ABCC9: variants seen among roughly 807,000 people sequenced by gnomAD.
ABCC9 encodes the protein ATP-binding cassette sub-family C member 9.
ABCC9 carries 95 observed loss-of-function variants against 188.3 expected under a neutral mutation model. The ratio of observed to expected loss-of-function variants is 0.50; its 90% confidence interval spans 0.43 to 0.60. The LOEUF (loss-of-function observed/expected upper bound fraction) is 0.60, where lower values mean the gene tolerates loss of function less well. Ranked by LOEUF, ABCC9 falls within the 20% of genes least tolerant of loss-of-function variation. The probability of loss-of-function intolerance (pLI) is 0.00; values close to 1 mark genes in which losing one functional copy is unlikely to be tolerated. For missense variants in ABCC9, 1,102 were observed against 1,876.3 expected (o/e 0.59, Z 7.62); for synonymous variants, 659 against 652.7 (o/e 1.01, Z -0.15).
At chr12:21,849,295 G>C (rs560721746) in intron 24 of ABCC9, among the ~76,000 whole-genome samples, 2 of 152,174 alleles carry the variant, frequency 1.3e-5, no homozygotes, top group Non-Finnish European at 2.9e-5. Flanking sequence ...CAACATGTCT[G>C]ATTTAGGAAA....
intron 7 of ABCC9, among the ~76,000 whole-genome samples, chr12:21,915,432 A>G (rs1194184484): frequency 3.5e-5 from 4 of 115,668 alleles, no homozygotes; most frequent in African/African-American, 9.6e-5. Flanking sequence ...ATATGTGTGT[A>G]TATATGTGTA....
At position 21,829,079 on chromosome 12, in the gene ABCC9, C is replaced by T. The variant is rs17846778; in HGVS notation, c.3567-19G>A. 4.8e-5 allele frequency: 75 copies of T among 1,554,332 alleles called. No individual in the cohort carries two copies. In the East Asian group the frequency reaches 5.5e-4, roughly 11 times the overall value. The stretch of plus-strand genomic sequence containing the variant: ...TTCATGCCTGCAGAAAACAAAAACA[C>T]GATGTTAACCACACAACAGGAGAGG... On this transcript the variant is annotated intron_variant, in intron 30 of 39. Coordinates refer to ENST00000261200, the MANE Select transcript of ABCC9 (RefSeq NM_020297.4).
chr12:21,847,248 T>C (rs1176717729), intron 25 of ABCC9, among the ~76,000 whole-genome samples: 1 of 152,166 alleles, frequency 6.6e-6, no homozygotes, highest in Non-Finnish European at 1.5e-5. Flanking sequence ...ACTCCACTCT[T>C]ATAGCCCATT....
At chr12:21,862,383 C>T (rs1945562254) in intron 20 of ABCC9, among the ~76,000 whole-genome samples, 1 of 152,044 alleles carries the variant, frequency 6.6e-6, no homozygotes, top group East Asian at 1.9e-4. Flanking sequence ...TTTTCTCCTC[C>T]CTCCCCCTTC....
At chr12:21,835,648 C>T (rs2252701) in intron 30 of ABCC9, among the ~76,000 whole-genome samples, 152,282 of 152,284 alleles carry the variant, frequency 1, 76,140 homozygotes, top group Middle Eastern at 1. Flanking sequence ...CAGGATCTCT[C>T]TTATCTACTT....
chr12:21,861,117 G>C (rs1945482667), intron 20 of ABCC9, 62 bp from the exon 21 acceptor site: 18 of 1,313,854 alleles, frequency 1.4e-5, no homozygotes, highest in Middle Eastern at 1.8e-4. Flanking sequence ...TAAACTAAGT[G>C]CCAAATTCAA....
chr12:21,801,885 A>G (rs892809543), intron 39 of ABCC9, among the ~76,000 whole-genome samples: 3 of 152,216 alleles, frequency 2.0e-5, no homozygotes, highest in African/African-American at 4.8e-5. Flanking sequence ...TCCACTTTAT[A>G]GGGGAGACCA....
At chr12:21,825,608 A>G (rs1407710052) in intron 31 of ABCC9, among the ~76,000 whole-genome samples, 2 of 149,630 alleles carry the variant, frequency 1.3e-5, no homozygotes, top group East Asian at 4.1e-4. Context: ...ACACATGGAC[A>G]CAGGGAGGGG....
intron 18 of ABCC9, among the ~76,000 whole-genome samples, chr12:21,865,585 A>G (rs532732606): frequency 2.0e-4 from 30 of 152,314 alleles, no homozygotes; most frequent in African/African-American, 7.2e-4. Flanking sequence ...GACAGGGAAG[A>G]GAGAAGAGTG....
intron 4 of ABCC9, 127 bp downstream of exon 4, chr12:21,933,655 G>T: frequency 9.8e-7 from 1 of 1,017,290 alleles, no homozygotes. Flanking sequence ...TCCTGCAAGA[G>T]CTACATGGAT....
At chr12:21,888,222 T>C in intron 14 of ABCC9, among the ~76,000 whole-genome samples, 1 of 152,166 alleles carries the variant, frequency 6.6e-6, no homozygotes, top group African/African-American at 2.4e-5. Context: ...TGCATTTTTT[T>C]TGCAATTATA....
At chr12:21,919,752 T>A (rs956957728) in intron 5 of ABCC9, among the ~76,000 whole-genome samples, 1 of 152,008 alleles carries the variant, frequency 6.6e-6, no homozygotes, top group African/African-American at 2.4e-5. Flanking sequence ...GAGAAAACAC[T>A]TTCCAACTCA....
In ABCC9 at chr12:21,817,254, C is replaced by G; in HGVS notation, c.3825G>C (p.Gln1275His). The part of the protein sequence containing the change: ...VVRNLADLEV[Q>H]MGAVKKVNSF... ...TGTTCACCTTCTTCACTGCACCCATCTGGACCTCCAGGTCAGCCAAGTTCC... is the reference window on the plus strand; with the variant it reads ...TGTTCACCTTCTTCACTGCACCCATGTGGACCTCCAGGTCAGCCAAGTTCC... The change falls in exon 33 of 40, where the codon CAG becomes CAC. Residue 1275 changes from glutamine to histidine, a missense_variant. By Grantham distance (24) the Gln-to-His change is conservative. This residue lies in a region of ABCC9 where 143 missense variants were observed against 225.6 expected (regional missense o/e 0.63). Transcript: ENST00000261200. 1.2e-6 allele frequency: 2 copies of G among 1,613,876 alleles called. No individual in the cohort carries two copies. The highest frequency in any genetic ancestry group is 1.7e-6 in the Non-Finnish European group (2 of 1,179,818).
chr12:21,800,813 G>A lies in ABCC9; in HGVS notation c.*231C>T. 1.9e-6 allele frequency: 1 copy of A among 531,444 alleles called. No homozygotes were observed. Among genetic ancestry groups the A allele is most frequent in the Non-Finnish European group, 3.4e-6 (1 of 297,872 alleles). The allele number at this position is 531,444 out of a possible 1,614,324, so 32.9% of individuals were successfully genotyped here. On this transcript the variant is annotated 3_prime_UTR_variant, in exon 40 of 40. Transcript: ENST00000261200. ...AGCTTACATGTTTTAATACAACCTA[G>A]CTATTCTTAAAGCTAGAGTGGCTGG...
chr12:21,885,513 C>CTCTGCT (rs1439810245), intron 15 of ABCC9, among the ~76,000 whole-genome samples: 1 of 152,126 alleles, frequency 6.6e-6, no homozygotes, highest in African/African-American at 2.4e-5. Flanking sequence ...GGTCATCTCA[C>CTCTGCT]TCTGCTTATC....
At chr12:21,875,583 G>T in intron 17 of ABCC9, 71 bp downstream of exon 17, 3 of 1,129,554 alleles carry the variant, frequency 2.7e-6, no homozygotes, top group Non-Finnish European at 4.0e-6. Context: ...TTTTTGTTAG[G>T]CTCAATTATC....
At chr12:21,867,489 C>T (rs774077953) in intron 18 of ABCC9, among the ~76,000 whole-genome samples, 2 of 152,114 alleles carry the variant, frequency 1.3e-5, no homozygotes, top group Non-Finnish European at 2.9e-5. Flanking sequence ...AAAGTCGACA[C>T]AGTGTATTAG....
chr12:21,847,617 A>T (rs749032496), intron 25 of ABCC9, among the ~76,000 whole-genome samples: 1 of 152,138 alleles, frequency 6.6e-6, no homozygotes, highest in Non-Finnish European at 1.5e-5. Context: ...CTCATTCCTC[A>T]CATTTCCAGT....
rs916964061 is a variant in ABCC9, at chr12:21,836,785, G to C, written c.3566+1293C>G. On this transcript the variant is annotated intron_variant, in intron 30 of 39. Coordinates refer to ENST00000261200, the MANE Select transcript of ABCC9 (RefSeq NM_020297.4). ...AACAACAACAAAAAAAAGAAAAAGT[G>C]GGGGATGAACTGATAGGGCTTACAT... Among the ~76,000 whole-genome samples the C allele has an allele frequency of 1.1e-4, 16 of 152,146 alleles. No individual in the cohort carries two copies. In the East Asian group the frequency reaches 2.9e-3, roughly 27 times the overall value.
Sources: allele counts gnomAD v4.1 joint callset (sites outside exome capture counted in the v4.1 genomes callset), GRCh38; gene constraint gnomAD v4.1.1; regional missense constraint gnomAD v4.1.1; transcripts MANE v1.5; gene names NCBI Gene and HGNC (gene_info 2026-07-23, HGNC 2026-07-21).